Variants in VPS13C observed in about 807,000 individuals in gnomAD.
VPS13C encodes the protein intermembrane lipid transfer protein VPS13C.
VPS13C carries 358 observed loss-of-function variants against 456.8 expected under a neutral mutation model. The observed-to-expected ratio is 0.78, with a 90% CI of 0.72 to 0.86. VPS13C has a LOEUF of 0.86. VPS13C is among the 40% of genes least tolerant of loss of function. VPS13C has a pLI of 0.00. For synonymous variants in VPS13C, 1,578 were observed against 1,486.7 expected (o/e 1.06, Z -1.41); for missense variants, 4,818 against 4,385.4 (o/e 1.10, Z -2.79).
Position 61,991,054 on chromosome 15 carries a change from G to C in VPS13C, c.1524C>G (p.Leu508=). The change falls in exon 18 of 85, where the codon CTC becomes CTG. Residue 508 remains leucine, a synonymous_variant. Transcript: ENST00000644861. The part of the protein sequence containing the change: ...DLMTPEEKDK[L]FTAIGYSEST... ...TCTCACTATAACCAATGGCAGTGAA[G>C]AGTTTATCTTTTTCCTCTGGAGTCA... The C allele has an allele frequency of 6.2e-7, 1 of 1,612,524 alleles. No individual in the cohort carries two copies. The highest frequency in any genetic ancestry group is 8.5e-7 in the Non-Finnish European group (1 of 1,179,484).
chr15:61,889,068 C>T (rs939348314), intron 67 of VPS13C, among the ~76,000 whole-genome samples: 13 of 151,952 alleles, frequency 8.6e-5, no homozygotes, highest in African/African-American at 2.9e-4. Flanking sequence ...CTTTGAAAAT[C>T]TAGATTTCAC....
chr15:62,007,537 A>G (rs2046895065), intron 14 of VPS13C, 58 bp from the exon 15 acceptor site: 10 of 1,394,994 alleles, frequency 7.2e-6, no homozygotes, highest in Non-Finnish European at 9.5e-6. Flanking sequence ...AGAAAACAGG[A>G]AAAGTCTTGA....
Position 61,881,597 on chromosome 15 carries a change from T to C in VPS13C, c.9742A>G (p.Arg3248Gly). Reference sequence around the variant, plus strand: ...AAGACTTTACTGTACTCATTAAATCTTGTGATGACACTCACATCAATGAAA... The same window carrying C: ...AAGACTTTACTGTACTCATTAAATCCTGTGATGACACTCACATCAATGAAA... ...KPFIDVSVIT[R>G]FNEYSKVLQF... The change falls in exon 71 of 85, where the codon AGA (arginine) becomes GGA (glycine). Residue 3248 changes from arginine (R) to glycine (G), a missense_variant. Transcript: ENST00000644861. 2 of 1,612,630 alleles carry C rather than the reference T, an allele frequency of 1.2e-6. No individual in the cohort carries two copies. Among genetic ancestry groups the C allele is most frequent in the Non-Finnish European group, 1.7e-6 (2 of 1,179,284 alleles).
At chr15:61,944,010 T>G (rs911239971) in intron 45 of VPS13C, among the ~76,000 whole-genome samples, 2 of 150,300 alleles carry the variant, frequency 1.3e-5, no homozygotes, top group Non-Finnish European at 3.0e-5. Flanking sequence ...AAAGAAGACA[T>G]ACAAGGAGCC....
At position 61,940,790 on chromosome 15, in the gene VPS13C, T is replaced by C. The variant is rs766188114; in HGVS notation, c.5458A>G (p.Ile1820Val). The C allele has an allele frequency of 1.1e-5, 17 of 1,608,674 alleles. No individual in the cohort carries two copies. The Admixed American group carries it at 1.7e-4, about 16-fold the overall frequency. Residue 1820 changes from isoleucine (I) to valine (V), a missense_variant, in exon 47 of 85, where the codon ATT becomes GTT. By Grantham distance (29) the Ile-to-Val change is conservative (BLOSUM62 3). This residue lies in a region of VPS13C where 4,552 missense variants were observed against 4,130.6 expected (regional missense o/e 1.10). Coordinates refer to ENST00000644861, the MANE Select transcript of VPS13C (RefSeq NM_020821.3). The stretch of plus-strand genomic sequence containing the variant: ...TTTTGTGGCAAGCTAGCCTGCAAAA[T>C]AGTTCTGAAAGAAAAACAAGAATTT... ...ELTQLKLSRT[I>V]LQASLPQNDI...
In VPS13C at chr15:61,949,599, A is replaced by C; in HGVS notation, c.4603T>G (p.Phe1535Val). ...DSTKQRLKVS[F>V]ASLDLVLHLE... ...TGAAGTACTAAGTCTAAGGATGCAAATGAAACCTAAGATAATGAACAATTA... is the reference window on the plus strand; with the variant it reads ...TGAAGTACTAAGTCTAAGGATGCAACTGAAACCTAAGATAATGAACAATTA... The change falls in exon 42 of 85, where the codon TTT becomes GTT. Residue 1535 changes from phenylalanine to valine, a missense_variant. Phe to Val is a conservative substitution (Grantham distance 50, BLOSUM62 -1). This residue lies in a region of VPS13C where 4,552 missense variants were observed against 4,130.6 expected (regional missense o/e 1.10). Transcript: ENST00000644861. The C allele has an allele frequency of 6.3e-7, 1 of 1,595,068 alleles. No homozygotes were observed. The highest frequency in any genetic ancestry group is 8.5e-7 in the Non-Finnish European group (1 of 1,175,652).
chr15:61,962,125 A>G (rs1316939167), intron 34 of VPS13C, among the ~76,000 whole-genome samples: 1 of 152,140 alleles, frequency 6.6e-6, no homozygotes, highest in Non-Finnish European at 1.5e-5. Context: ...TTTTTTTCCA[A>G]TAATTTTTAT....
chr15:61,887,241 C>A (rs1313929840), intron 67 of VPS13C, among the ~76,000 whole-genome samples: 1 of 152,098 alleles, frequency 6.6e-6, no homozygotes, highest in Non-Finnish European at 1.5e-5. Flanking sequence ...TTCTTACATG[C>A]CAGCAATAAA....
intron 5 of VPS13C, among the ~76,000 whole-genome samples, chr15:62,033,230 A>C (rs2047877274): frequency 6.6e-6 from 1 of 151,692 alleles, no homozygotes; most frequent in African/African-American, 2.4e-5. Context: ...GAAAAATCAA[A>C]TTGGCAACAT....
intron 32 of VPS13C, 149 bp downstream of exon 32, chr15:61,963,686 C>A: frequency 1.6e-6 from 1 of 606,246 alleles, no homozygotes; most frequent in South Asian, 2.1e-5. Flanking sequence ...TATCTATATC[C>A]CAAATAGAGG....
chr15:62,001,284 C>T (rs2046603673), intron 15 of VPS13C, among the ~76,000 whole-genome samples: 1 of 152,106 alleles, frequency 6.6e-6, no homozygotes, highest in East Asian at 1.9e-4. Flanking sequence ...GGTAAATATC[C>T]AAGTCAGTAC....
chr15:62,045,841 G>T (rs2048382540), intron 1 of VPS13C, among the ~76,000 whole-genome samples: 1 of 151,846 alleles, frequency 6.6e-6, no homozygotes, highest in African/African-American at 2.4e-5. Flanking sequence ...CAATACATCT[G>T]TATTATAAAC....
intron 6 of VPS13C, among the ~76,000 whole-genome samples, chr15:62,025,130 T>A (rs1173149011): frequency 6.6e-6 from 1 of 152,100 alleles, no homozygotes; most frequent in African/African-American, 2.4e-5. Flanking sequence ...ACAGTACTTA[T>A]CTGTTCAAAT....
At chr15:61,938,489 A>T (rs759344525) in intron 47 of VPS13C, among the ~76,000 whole-genome samples, 10 of 152,226 alleles carry the variant, frequency 6.6e-5, no homozygotes, top group East Asian at 5.8e-4. Flanking sequence ...GACTATGACC[A>T]AAGGGGGGTG....
In VPS13C at chr15:61,853,070, A is replaced by G. The variant is rs1265649174; in HGVS notation, c.*1387T>C. 2 of 152,174 alleles carry G rather than the reference A, an allele frequency of 1.3e-5. No individual in the cohort carries two copies. The highest frequency in any genetic ancestry group is 2.9e-5 in the Non-Finnish European group (2 of 68,014). The allele number at this position is 152,174 out of a possible 1,614,324, so 9.4% of individuals were successfully genotyped here. A position where few individuals can be genotyped will look rare whatever the true frequency, so the allele number is the denominator to read the frequency against. ...ACTTACATATTTTTGAGTATTTTTT[A>G]AAGTTTTAATAGTTTATCTCTGATC... On this transcript the variant is annotated 3_prime_UTR_variant, in exon 85 of 85. Coordinates refer to ENST00000644861, the MANE Select transcript of VPS13C (RefSeq NM_020821.3).
chr15:61,894,381 A>G (rs1284209724), intron 66 of VPS13C, among the ~76,000 whole-genome samples: 1 of 150,818 alleles, frequency 6.6e-6, no homozygotes, highest in Non-Finnish European at 1.5e-5. Context: ...CTTACTTATC[A>G]ATAATAATAA....
intron 34 of VPS13C, 92 bp downstream of exon 34, chr15:61,962,279 A>T: frequency 8.1e-7 from 1 of 1,233,628 alleles, no homozygotes; most frequent in Non-Finnish European, 1.1e-6. Flanking sequence ...TGCCCACTCT[A>T]AAATCCAAGG....
At chr15:62,015,714 G>A (rs2047213789) in intron 9 of VPS13C, among the ~76,000 whole-genome samples, 1 of 127,660 alleles carries the variant, frequency 7.8e-6, no homozygotes, top group South Asian at 2.7e-4. Flanking sequence ...CTCATAGGTG[G>A]GAATTGAACA....
chr15:61,982,433 C>T (rs1222506682), intron 21 of VPS13C, 26 bp downstream of exon 21: 6 of 1,566,226 alleles, frequency 3.8e-6, no homozygotes, highest in Non-Finnish European at 5.2e-6. Flanking sequence ...TTAGCTGATG[C>T]TTATGTAGAC....
Sources: allele counts gnomAD v4.1 joint callset (sites outside exome capture counted in the v4.1 genomes callset), GRCh38; gene constraint gnomAD v4.1.1; regional missense constraint gnomAD v4.1.1; transcripts MANE v1.5; gene names NCBI Gene and HGNC (gene_info 2026-07-23, HGNC 2026-07-21).